THBS2: variants seen among roughly 807,000 people sequenced by gnomAD.
The protein encoded by THBS2 is thrombospondin-2.
THBS2 carries 47 observed loss-of-function variants against 135.2 expected under a neutral mutation model. The ratio of observed to expected loss-of-function variants is 0.35; its 90% CI spans 0.28 to 0.44. The LOEUF (loss-of-function observed/expected upper bound fraction) is 0.44, where lower values mean the gene tolerates loss of function less well. Among genes scored for constraint, THBS2 ranks in the 20% least tolerant of loss-of-function variants. THBS2 has a pLI of 1.00. For missense variants in THBS2, 1,288 were observed against 1,603.1 expected (o/e 0.80, Z 3.36); for synonymous variants, 639 against 633.8 (o/e 1.01, Z -0.12).
At chr6:169,219,137 T>C (rs1779318400) in intron 21 of THBS2, among the ~76,000 whole-genome samples, 1 of 146,520 alleles carries the variant, frequency 6.8e-6, no homozygotes, top group Admixed American at 6.8e-5. Context: ...ATGAGATGAA[T>C]GGATGGATGG....
chr6:169,228,742 G>A (rs1349620230), intron 14 of THBS2, among the ~76,000 whole-genome samples: 1 of 152,118 alleles, frequency 6.6e-6, no homozygotes, highest in East Asian at 1.9e-4. Flanking sequence ...TGGCCAACAT[G>A]GTGAAACCCC....
chr6:169,224,788 CCT>C (rs1360817625), intron 17 of THBS2, among the ~76,000 whole-genome samples: 1 of 152,214 alleles, frequency 6.6e-6, no homozygotes, highest in Non-Finnish European at 1.5e-5. Flanking sequence ...CTCCTTGTCC[CCT>C]GCCTGGCCCC....
intron 15 of THBS2, among the ~76,000 whole-genome samples, chr6:169,227,075 C>G (rs566380595): frequency 1.3e-5 from 2 of 152,188 alleles, no homozygotes; most frequent in Non-Finnish European, 2.9e-5. Context: ...CACCACATTC[C>G]CAGAGAACGA....
intron 15 of THBS2, among the ~76,000 whole-genome samples, chr6:169,227,699 A>G (rs192358669): frequency 1.5e-3 from 226 of 152,334 alleles, no homozygotes; most frequent in African/African-American, 5.4e-3. Flanking sequence ...GAATCATTTA[A>G]TCTTATAGTA....
At chr6:169,229,068 A>G (rs746154581) in intron 14 of THBS2, among the ~76,000 whole-genome samples, 8 of 152,248 alleles carry the variant, frequency 5.3e-5, no homozygotes, top group Non-Finnish European at 1.2e-4. Flanking sequence ...GTAAATATCA[A>G]ATAAATGAAT....
At chr6:169,237,995 A>C (rs1780164777) in intron 7 of THBS2, among the ~76,000 whole-genome samples, 200 bp from the exon 8 acceptor site, 1 of 152,160 alleles carries the variant, frequency 6.6e-6, no homozygotes, top group Non-Finnish European at 1.5e-5. Flanking sequence ...CCTGCACGGG[A>C]GTTCAGGGAC....
chr6:169,244,192 TAA>T (rs1392671631), intron 4 of THBS2, among the ~76,000 whole-genome samples: 3 of 139,794 alleles, frequency 2.1e-5, no homozygotes, highest in Non-Finnish European at 4.6e-5. Flanking sequence ...TTGGAAGATC[TAA>T]GAGTTTCCCA....
chr6:169,231,146 G>A (rs1779816542), intron 13 of THBS2, among the ~76,000 whole-genome samples: 1 of 152,134 alleles, frequency 6.6e-6, no homozygotes. Flanking sequence ...ATCTTGTATG[G>A]TAACAAGTGG....
At position 169,239,421 on chromosome 6, in the gene THBS2, G is replaced by A. The variant is rs1216761246; in HGVS notation, c.1129+178C>T. On this transcript the variant is annotated intron_variant, in intron 7 of 21. Transcript: ENST00000617924. ...CCCAGGGCTTCCACACTCCTTTCTA[G>A]CCATGAGTCAGTCCTCAGTGGATGA... 9.8e-6 allele frequency: 6 copies of A among 613,238 alleles called. No homozygotes were observed. The African/African-American group carries it at 1.1e-4, about 11-fold the overall frequency. 38.0% of individuals were successfully genotyped at this position (613,238 alleles called of 1,614,324 possible).
Position 169,222,474 on chromosome 6 carries a change from T to G in THBS2, c.3002-6A>C, listed in dbSNP as rs755939816. The G allele has an allele frequency of 1.5e-5, 24 of 1,611,178 alleles. No individual in the cohort carries two copies. The highest frequency in any genetic ancestry group is 1.9e-5 in the Non-Finnish European group (22 of 1,178,414). On this transcript the variant is annotated splice_region_variant and splice_polypyrimidine_tract_variant and intron_variant, in intron 18 of 21. Coordinates refer to ENST00000617924, the MANE Select transcript of THBS2 (RefSeq NM_003247.5). Reference sequence around the variant, plus strand: ...AGACCCAAACTCGTCAAAACCTGGATGCAACGCCATAAGGTTTCGTTAGAA... The same window carrying G: ...AGACCCAAACTCGTCAAAACCTGGAGGCAACGCCATAAGGTTTCGTTAGAA...
At chr6:169,236,471 A>C (rs1583414005) in intron 9 of THBS2, among the ~76,000 whole-genome samples, 5 of 56,590 alleles carry the variant, frequency 8.8e-5, no homozygotes, top group Admixed American at 2.4e-4. Context: ...ATCCACACTC[A>C]CTCCCCATCC....
chr6:169,248,663 C>G lies in THBS2; in HGVS notation c.363G>C (p.Ala121=). The part of the protein sequence containing the change: ...RQFEIVSNGP[A]DTLDLTYWID... ...TCCAGTAGGTGAGATCCAGCGTGTC[C>G]GCGGGGCCGTTGGAGACGATCTCGA... The change falls in exon 3 of 22, where the codon GCG becomes GCC. Residue 121 remains alanine, a synonymous_variant. Transcript: ENST00000617924. 6.2e-7 allele frequency: 1 copy of G among 1,614,008 alleles called. No individual in the cohort carries two copies.
chr6:169,246,891 A>T (rs905324200), intron 3 of THBS2, among the ~76,000 whole-genome samples: 1 of 152,168 alleles, frequency 6.6e-6, no homozygotes, highest in African/African-American at 2.4e-5. Context: ...TCCGGGAGGG[A>T]GCAATGTACC....
chr6:169,223,828 T>C (rs926285350), intron 17 of THBS2, among the ~76,000 whole-genome samples: 1 of 152,266 alleles, frequency 6.6e-6, no homozygotes, highest in Admixed American at 6.5e-5. Context: ...GCTTTGTGTT[T>C]GGATAGTTTT....
intron 13 of THBS2, among the ~76,000 whole-genome samples, chr6:169,231,068 C>T (rs1022630010): frequency 2.0e-5 from 3 of 152,140 alleles, no homozygotes; most frequent in South Asian, 2.1e-4. Flanking sequence ...GCAGTCCCCA[C>T]GATGGATGTC....
At chr6:169,228,921 AAAGAGTT>A (rs1271899416) in intron 14 of THBS2, among the ~76,000 whole-genome samples, 2 of 148,052 alleles carry the variant, frequency 1.4e-5, no homozygotes. Flanking sequence ...AAAAAAAAAA[AAAGAGTT>A]AGCCCTCGCC....
Position 169,223,467 on chromosome 6 carries a change from G to A in THBS2, c.2782C>T (p.Arg928Trp), listed in dbSNP as rs182173220. The change falls in exon 18 of 22, where the codon CGG becomes TGG. Residue 928 changes from arginine (R) to tryptophan (W), a missense_variant. This residue lies in a region of THBS2 where 874 missense variants were observed against 1,156.1 expected (regional missense o/e 0.76). Transcript: ENST00000617924. ...AAATCATCTTTACAAATATCACCCC[G>A]TCCATCACCTATGCACAAAGAACAA... ...PDQEDLDGDG[R>W]GDICKDDFDN... is the part of the protein sequence containing the mutation. 189 of 1,613,748 alleles carry A rather than the reference G, an allele frequency of 1.2e-4. 1 individual carries two copies. In the East Asian group the frequency reaches 1.8e-3, roughly 16 times the overall value.
intron 10 of THBS2, 136 bp downstream of exon 10, chr6:169,234,595 TAAA>T: frequency 5.6e-6 from 5 of 900,040 alleles, no homozygotes; most frequent in Non-Finnish European, 8.0e-6. Context: ...ACACAGATGT[TAAA>T]AGTAGTTATC....
intron 15 of THBS2, among the ~76,000 whole-genome samples, chr6:169,227,611 G>A (rs1282143564): frequency 6.6e-6 from 1 of 152,194 alleles, no homozygotes; most frequent in Non-Finnish European, 1.5e-5. Context: ...CTCTAGGGCG[G>A]TCCTGTGGCT....
Sources: allele counts gnomAD v4.1 joint callset (sites outside exome capture counted in the v4.1 genomes callset), GRCh38; gene constraint gnomAD v4.1.1; regional missense constraint gnomAD v4.1.1; transcripts MANE v1.5; gene names NCBI Gene and HGNC (gene_info 2026-07-23, HGNC 2026-07-21).